AKAP19: variants seen among roughly 807,000 people sequenced by gnomAD.
The protein encoded by AKAP19 is small A-kinase anchoring protein.
chr2:190,142,480 C>T, the AKAP19 span, among the ~76,000 whole-genome samples: 1 of 152,224 alleles, frequency 6.6e-6, no homozygotes, highest in South Asian at 2.1e-4. Flanking sequence ...CTTGCCACCA[C>T]TCTTTGATTA....
the AKAP19 span, among the ~76,000 whole-genome samples, chr2:189,967,792 T>C: frequency 1.3e-5 from 2 of 150,914 alleles, no homozygotes; most frequent in Non-Finnish European, 2.9e-5. Context: ...GCCATTGCAC[T>C]CCAGTCTGGG....
the AKAP19 span, among the ~76,000 whole-genome samples, chr2:190,178,095 C>T: frequency 2.0e-5 from 3 of 152,134 alleles, no homozygotes; most frequent in Non-Finnish European, 4.4e-5. This position sits in a 1 kb window ranked among gnomAD's most constrained non-coding sequence, Gnocchi z 6.3. Context: ...TCTGCCACCA[C>T]CAGTTTGAGG....
At chr2:190,069,162 G>GTC in the AKAP19 span, among the ~76,000 whole-genome samples, 1 of 144,018 alleles carries the variant, frequency 6.9e-6, no homozygotes, top group South Asian at 2.2e-4. Flanking sequence ...GTGTGTGTGT[G>GTC]TGTGTGTGTG....
the AKAP19 span, among the ~76,000 whole-genome samples, chr2:189,945,955 T>C: frequency 6.6e-6 from 1 of 152,226 alleles, no homozygotes; most frequent in Admixed American, 6.5e-5. Context: ...CATACTATAG[T>C]TGCTACTTGA....
At chr2:190,015,817 T>C in the AKAP19 span, among the ~76,000 whole-genome samples, 4 of 152,182 alleles carry the variant, frequency 2.6e-5, no homozygotes, top group East Asian at 7.7e-4. Context: ...TGCTTAGAAG[T>C]TTATTCCGCC....
chr2:189,926,287 TG>T, the AKAP19 span, among the ~76,000 whole-genome samples: 2 of 152,150 alleles, frequency 1.3e-5, no homozygotes, highest in African/African-American at 4.8e-5. Flanking sequence ...ACACTTTTTT[TG>T]TTTTGTTTTG....
the AKAP19 span, among the ~76,000 whole-genome samples, chr2:190,183,695 C>T: frequency 6.6e-6 from 1 of 152,062 alleles, no homozygotes; most frequent in Non-Finnish European, 1.5e-5. Context: ...GACTGCCCTT[C>T]TTCTCCATGT....
the AKAP19 span, among the ~76,000 whole-genome samples, chr2:189,898,527 C>A: frequency 2.0e-5 from 3 of 152,088 alleles, no homozygotes; most frequent in Non-Finnish European, 2.9e-5. Flanking sequence ...TGCCCACATG[C>A]CTCTCTACTC....
the AKAP19 span, among the ~76,000 whole-genome samples, chr2:189,928,249 A>T: frequency 6.6e-6 from 1 of 152,118 alleles, no homozygotes; most frequent in Admixed American, 6.5e-5. Context: ...TTTTTCAGTG[A>T]ATCATATTTG....
the AKAP19 span, among the ~76,000 whole-genome samples, chr2:190,192,110 TTTGAG>T: frequency 2.0e-5 from 3 of 152,284 alleles, no homozygotes; most frequent in East Asian, 1.9e-4. Flanking sequence ...TATGATCCCT[TTTGAG>T]TTAATTTTTC....
chr2:189,965,243 T>C, the AKAP19 span, among the ~76,000 whole-genome samples: 2 of 152,176 alleles, frequency 1.3e-5, no homozygotes, highest in East Asian at 3.8e-4. Context: ...CCGTCTTATA[T>C]GGGCCCAAGT....
At chr2:189,958,334 T>G in the AKAP19 span, among the ~76,000 whole-genome samples, 3 of 151,980 alleles carry the variant, frequency 2.0e-5, no homozygotes, top group African/African-American at 7.2e-5. Flanking sequence ...ACAAGTAAAC[T>G]TAGCTGCTTG....
chr2:189,920,818 C>G, the AKAP19 span, among the ~76,000 whole-genome samples: 1 of 152,178 alleles, frequency 6.6e-6, no homozygotes, highest in East Asian at 1.9e-4. Flanking sequence ...ACCCAGTTCT[C>G]AGCCTGCCCA....
At chr2:189,930,676 C>CA in the AKAP19 span, 253 of 314,816 alleles carry the variant, frequency 8.0e-4, no homozygotes, top group African/African-American at 1.5e-3. Context: ...AACTCCCTCT[C>CA]AAAAAAAAAA....
At chr2:189,917,445 C>G in the AKAP19 span, 1 of 733,726 alleles carries the variant, frequency 1.4e-6, no homozygotes, top group Non-Finnish European at 2.4e-6. Flanking sequence ...TTTTCTAGCT[C>G]GATGTTTTTC....
the AKAP19 span, among the ~76,000 whole-genome samples, chr2:189,914,310 G>A: frequency 6.6e-6 from 1 of 152,054 alleles, no homozygotes; most frequent in South Asian, 2.1e-4. Flanking sequence ...CTGAAGAGAA[G>A]TTATTTGAAT....
the AKAP19 span, among the ~76,000 whole-genome samples, chr2:190,124,510 G>T: frequency 1.3e-5 from 2 of 151,852 alleles, no homozygotes; most frequent in African/African-American, 2.4e-5. Flanking sequence ...AGGAGCGCAA[G>T]GCCAGCCTGG....
At chr2:190,123,015 T>A in the AKAP19 span, among the ~76,000 whole-genome samples, 1 of 152,078 alleles carries the variant, frequency 6.6e-6, no homozygotes, top group Non-Finnish European at 1.5e-5. Flanking sequence ...TCTCGCTATG[T>A]TGCCCAAGCT....
chr2:189,991,913 G>C, the AKAP19 span, among the ~76,000 whole-genome samples: 1 of 152,118 alleles, frequency 6.6e-6, no homozygotes, highest in African/African-American at 2.4e-5. Context: ...TCTTCTACAT[G>C]TAGCTTGCCA....
Sources: gnomAD v4.1 joint callset for allele counts (sites outside exome capture counted in the v4.1 genomes callset) on GRCh38, gnomAD v4.1.1 for gene constraint, Gnocchi (gnomAD v3.1) non-coding constraint, MANE v1.5 for transcripts, NCBI Gene and HGNC (gene_info 2026-07-23, HGNC 2026-07-21) for gene names.